Variants in FHIT observed in about 807,000 individuals in gnomAD.
The protein encoded by FHIT is bis(5'-adenosyl)-triphosphatase.
FHIT carries 19 observed loss-of-function variants against 17.9 expected under a neutral mutation model. The ratio of observed to expected loss-of-function variants is 1.06; its 90% confidence interval spans 0.74 to 1.56. The LOEUF is 1.56. Ranked by LOEUF, FHIT falls within the 40% of genes most tolerant of loss-of-function variation. The probability of loss-of-function intolerance (pLI) is 0.00; values close to 1 mark genes in which losing one functional copy is unlikely to be tolerated. For synonymous variants in FHIT, 81 were observed against 69.7 expected, an observed-to-expected ratio of 1.16 and a Z score of -0.81; for missense variants, 248 against 189.2, an observed-to-expected ratio of 1.31 and a Z score of -1.82.
intron 4 of FHIT, among the ~76,000 whole-genome samples, chr3:60,784,023 A>G (rs548202252): frequency 1.3e-5 from 2 of 152,054 alleles, no homozygotes; most frequent in South Asian, 4.2e-4. Context: ...ATATTCAGTG[A>G]CTCTTTGGCA....
chr3:60,370,263 G>A (rs1446371813), intron 5 of FHIT, among the ~76,000 whole-genome samples: 1 of 152,128 alleles, frequency 6.6e-6, no homozygotes, highest in Non-Finnish European at 1.5e-5. Context: ...TAGAACTTGA[G>A]GTCAAGCAAA....
At position 60,986,671 on chromosome 3, in the gene FHIT, C is replaced by A. The variant is rs146642868; in HGVS notation, c.-111+55376G>T. Among the ~76,000 whole-genome samples, 23 of 152,244 alleles carry A rather than the reference C, an allele frequency of 1.5e-4. No homozygotes were observed. The East Asian group carries it at 4.4e-3, about 29-fold the overall frequency. On this transcript the variant is annotated intron_variant, in intron 3 of 9. Coordinates refer to ENST00000492590, the MANE Select transcript of FHIT (RefSeq NM_002012.4). Reference sequence around the variant, plus strand: ...CTCAAACCAAATTTGTGTAGCTGGCCAGCCTATCCTGAGTTCTACCTCATG... The same window carrying A: ...CTCAAACCAAATTTGTGTAGCTGGCAAGCCTATCCTGAGTTCTACCTCATG...
At chr3:60,317,788 CTT>C (rs10713144) in intron 5 of FHIT, among the ~76,000 whole-genome samples, 397 of 138,484 alleles carry the variant, frequency 2.9e-3, no homozygotes, top group African/African-American at 7.6e-3. Flanking sequence ...AGTTTTTCTT[CTT>C]TTTTTTTTTT....
intron 8 of FHIT, 90 bp downstream of exon 8, chr3:59,922,254 CAT>C (rs1705440692): frequency 9.0e-7 from 1 of 1,107,320 alleles, no homozygotes. Flanking sequence ...CATTTCAGAC[CAT>C]ATCTAGGGTA....
At chr3:59,909,216 T>C (rs1486827947) in intron 8 of FHIT, among the ~76,000 whole-genome samples, 1 of 151,928 alleles carries the variant, frequency 6.6e-6, no homozygotes. Context: ...GTATTTTTAG[T>C]AGAGATGAGG....
intron 8 of FHIT, among the ~76,000 whole-genome samples, chr3:59,804,861 G>A (rs866942923): frequency 2.6e-5 from 4 of 152,180 alleles, no homozygotes; most frequent in Middle Eastern, 3.2e-3. Flanking sequence ...AGTGCAGAGC[G>A]AACAGCCGAG....
intron 5 of FHIT, among the ~76,000 whole-genome samples, chr3:60,251,099 C>A (rs78240856): frequency 1.9e-3 from 282 of 152,260 alleles, no homozygotes; most frequent in South Asian, 3.5e-3. Flanking sequence ...GAAGACATAC[C>A]TTTTGAGCTT....
intron 5 of FHIT, among the ~76,000 whole-genome samples, chr3:60,046,653 C>A (rs1701665664): frequency 6.6e-6 from 1 of 152,108 alleles, no homozygotes; most frequent in African/African-American, 2.4e-5. Flanking sequence ...AGAAACAGAA[C>A]AAGGGGGTGA....
chr3:60,176,443 T>C (rs908171850), intron 5 of FHIT, among the ~76,000 whole-genome samples: 2 of 152,128 alleles, frequency 1.3e-5, no homozygotes, highest in Non-Finnish European at 2.9e-5. Flanking sequence ...AATATAGAAA[T>C]ACTCTCTAGC....
In FHIT at chr3:60,908,845, C is replaced by T. The variant is rs1706571934; in HGVS notation, c.-110-86834G>A. On this transcript the variant is annotated intron_variant, in intron 3 of 9. Transcript: ENST00000492590. ...GAGCCATTCACTCAATCATTCATTTCACTCATTCATTTAATGCCTAACATA... is the reference window on the plus strand; with the variant it reads ...GAGCCATTCACTCAATCATTCATTTTACTCATTCATTTAATGCCTAACATA... 2.0e-5 allele frequency among the ~76,000 whole-genome samples: 3 copies of T among 152,042 alleles called. No homozygotes were observed. The South Asian group carries it at 6.2e-4, about 32-fold the overall frequency.
intron 5 of FHIT, among the ~76,000 whole-genome samples, chr3:60,121,927 A>G (rs892300885): frequency 1.3e-5 from 2 of 152,148 alleles, no homozygotes; most frequent in African/African-American, 4.8e-5. Flanking sequence ...AAGAAATAAT[A>G]TATTTGGGTT....
At chr3:61,163,642 ATTATC>A (rs1311311702) in intron 2 of FHIT, among the ~76,000 whole-genome samples, 7 of 152,296 alleles carry the variant, frequency 4.6e-5, no homozygotes, top group African/African-American at 1.4e-4. Context: ...AAGGAATGTC[ATTATC>A]TCTGAAGGCA....
In FHIT at chr3:60,579,688, T is replaced by A. The variant is rs11926008; in HGVS notation, c.-17-42709A>T. On this transcript the variant is annotated intron_variant, in intron 4 of 9. Coordinates refer to ENST00000492590, the MANE Select transcript of FHIT (RefSeq NM_002012.4). Reference sequence around the variant, plus strand: ...TACATTAGCTAAACTATTACTACAGTTTGAGATAAATTTGAGATGTTACAA... The same window carrying A: ...TACATTAGCTAAACTATTACTACAGATTGAGATAAATTTGAGATGTTACAA... Among the ~76,000 whole-genome samples the A allele has an allele frequency of 3.9e-3, 597 of 152,242 alleles. 8 individuals are homozygous for A. Among genetic ancestry groups the A allele is most frequent in the African/African-American group, 0.013 (558 of 41,538 alleles).
intron 2 of FHIT, among the ~76,000 whole-genome samples, chr3:61,046,004 A>C (rs2033767587): frequency 6.6e-6 from 1 of 152,166 alleles, no homozygotes. Context: ...GTAGAGGGAA[A>C]TTTATAGCAC....
At chr3:60,339,668 G>C (rs1010494690) in intron 5 of FHIT, among the ~76,000 whole-genome samples, 31 of 152,268 alleles carry the variant, frequency 2.0e-4, no homozygotes, top group African/African-American at 6.7e-4. Context: ...TGACAAAAGT[G>C]GAATCCCTAT....
intron 8 of FHIT, among the ~76,000 whole-genome samples, chr3:59,758,925 T>C (rs1047563074): frequency 4.0e-5 from 6 of 151,832 alleles, no homozygotes; most frequent in African/African-American, 1.5e-4. Context: ...CTGGGCTGAG[T>C]TCTAGAAAGC....
intron 7 of FHIT, among the ~76,000 whole-genome samples, chr3:59,944,080 T>C (rs1342921269): frequency 1.3e-5 from 2 of 152,204 alleles, no homozygotes; most frequent in African/African-American, 4.8e-5. Flanking sequence ...ATTGGTAAAG[T>C]TTTAGAAACA....
chr3:60,536,793 A>G, intron 5 of FHIT, 67 bp downstream of exon 5: 2 of 1,501,744 alleles, frequency 1.3e-6, no homozygotes, highest in Non-Finnish European at 1.8e-6. Flanking sequence ...TTGTATTTAT[A>G]TTCATTTGGC....
chr3:60,151,088 G>A (rs1361769641), intron 5 of FHIT, among the ~76,000 whole-genome samples: 1 of 152,110 alleles, frequency 6.6e-6, no homozygotes, highest in East Asian at 1.9e-4. Context: ...CACGGTTTTA[G>A]TGAGAGAATC....
Sources: gnomAD v4.1 joint callset for allele counts (sites outside exome capture counted in the v4.1 genomes callset) on GRCh38, gnomAD v4.1.1 for gene constraint, MANE v1.5 for transcripts, NCBI Gene and HGNC (gene_info 2026-07-23, HGNC 2026-07-21) for gene names.